The following PAPSS1 variants were observed in gnomAD, a reference collection of about 807,000 sequenced individuals.
PAPSS1 encodes the protein bifunctional 3'-phosphoadenosine 5'-phosphosulfate synthase 1.
Under a neutral mutation model 72.0 loss-of-function variants are expected in PAPSS1, and 50 were observed. The observed-to-expected ratio is 0.69, with a 90% CI of 0.55 to 0.88. The LOEUF (loss-of-function observed/expected upper bound fraction) is 0.88. PAPSS1 is among the 40% of genes least tolerant of loss of function. The probability of loss-of-function intolerance (pLI) is 0.00; values close to 1 mark genes in which losing one functional copy is unlikely to be tolerated. For synonymous variants in PAPSS1, 261 were observed against 263.6 expected (o/e 0.99, Z 0.09); for missense variants, 657 against 782.2 (o/e 0.84, Z 1.91).
At chr4:107,679,964 A>G (rs1279608224) in intron 5 of PAPSS1, among the ~76,000 whole-genome samples, 1 of 152,182 alleles carries the variant, frequency 6.6e-6, no homozygotes, top group Non-Finnish European at 1.5e-5. Context: ...CTATGAGCCT[A>G]TCAATATATT....
At chr4:107,636,969 T>C (rs1183035916) in intron 10 of PAPSS1, among the ~76,000 whole-genome samples, 2 of 152,326 alleles carry the variant, frequency 1.3e-5, no homozygotes, top group Non-Finnish European at 1.5e-5. Context: ...TACTATCTAA[T>C]AGTGAGAATA....
chr4:107,718,605 C>T (rs2125945836), intron 1 of PAPSS1, among the ~76,000 whole-genome samples: 1 of 152,352 alleles, frequency 6.6e-6, no homozygotes, highest in Middle Eastern at 3.4e-3. Context: ...ACAACCCCAA[C>T]ACAAACCATG....
At chr4:107,626,235 G>A (rs1295945095) in intron 11 of PAPSS1, among the ~76,000 whole-genome samples, 1 of 150,826 alleles carries the variant, frequency 6.6e-6, no homozygotes, top group African/African-American at 2.4e-5. Flanking sequence ...ATACTCTACT[G>A]AAAATGTGGA....
intron 5 of PAPSS1, among the ~76,000 whole-genome samples, chr4:107,680,639 C>T (rs1010036566): frequency 2.0e-5 from 3 of 152,126 alleles, no homozygotes; most frequent in Non-Finnish European, 4.4e-5. Flanking sequence ...GCTGATAAAT[C>T]TTTGCATTAC....
chr4:107,649,235 G>A (rs752496817), intron 9 of PAPSS1, among the ~76,000 whole-genome samples: 1 of 152,204 alleles, frequency 6.6e-6, no homozygotes, highest in South Asian at 2.1e-4. Flanking sequence ...ACGGAGAAAA[G>A]TTTTCGGGGA....
intron 11 of PAPSS1, among the ~76,000 whole-genome samples, chr4:107,630,381 A>G (rs1726198580): frequency 2.6e-5 from 4 of 152,190 alleles, no homozygotes; most frequent in Admixed American, 2.6e-4. Flanking sequence ...GAAGGTGATT[A>G]GATCATGGGT....
At chr4:107,679,470 G>C (rs370440661) in intron 5 of PAPSS1, among the ~76,000 whole-genome samples, 8 of 152,120 alleles carry the variant, frequency 5.3e-5, no homozygotes, top group African/African-American at 1.9e-4. Flanking sequence ...ACCTACTACA[G>C]TAACAGTATG....
chr4:107,680,210 T>C (rs1727767167), intron 5 of PAPSS1, among the ~76,000 whole-genome samples: 1 of 151,164 alleles, frequency 6.6e-6, no homozygotes, highest in Non-Finnish European at 1.5e-5. Context: ...CCCAAGCAGG[T>C]TGGGGAATTC....
At chr4:107,689,375 A>G (rs1302198825) in intron 3 of PAPSS1, among the ~76,000 whole-genome samples, 2 of 151,694 alleles carry the variant, frequency 1.3e-5, no homozygotes, top group Admixed American at 1.3e-4. Context: ...GCAACACTCA[A>G]CCCCTCTCTT....
intron 4 of PAPSS1, 61 bp from the exon 5 acceptor site, chr4:107,682,194 T>G: frequency 1.2e-6 from 1 of 837,218 alleles, no homozygotes. Flanking sequence ...GTTTATTTTT[T>G]CAGTGCAGAT....
chr4:107,656,888 T>A lies in PAPSS1; in HGVS notation c.895+8A>T. On this transcript the variant is annotated splice_region_variant and intron_variant, in intron 7 of 11. Transcript: ENST00000265174. The stretch of plus-strand genomic sequence containing the variant: ...ATACAATATAATTTTGAATGTAAAA[T>A]GTCTTACCATCCAGAAGACAATCAA... 1 of 1,529,008 alleles carries A rather than the reference T, an allele frequency of 6.5e-7. No homozygotes were observed. Among genetic ancestry groups the A allele is most frequent in the Non-Finnish European group, 9.1e-7 (1 of 1,102,790 alleles). The allele number at this position is 1,529,008 out of a possible 1,614,324, so 94.7% of individuals were successfully genotyped here. A position where few individuals can be genotyped will look rare whatever the true frequency, so the allele number is the denominator to read the frequency against.
At chr4:107,655,467 G>C (rs1726978507) in intron 7 of PAPSS1, among the ~76,000 whole-genome samples, 1 of 152,096 alleles carries the variant, frequency 6.6e-6, no homozygotes, top group Non-Finnish European at 1.5e-5. Context: ...CACTAACCAA[G>C]AAATAAAGAC....
At chr4:107,676,838 T>C (rs9685400) in intron 5 of PAPSS1, among the ~76,000 whole-genome samples, 5,703 of 152,134 alleles carry the variant, frequency 0.037, 320 homozygotes, top group African/African-American at 0.13. Context: ...AAAACAGAGA[T>C]ATAGACCAAT....
chr4:107,675,646 T>C (rs1727621172), intron 5 of PAPSS1, among the ~76,000 whole-genome samples: 2 of 152,120 alleles, frequency 1.3e-5, no homozygotes, highest in Admixed American at 6.6e-5. Flanking sequence ...ACTGTTCCAA[T>C]CAATAGAAAA....
At chr4:107,685,420 A>C (rs1722757829) in intron 4 of PAPSS1, among the ~76,000 whole-genome samples, 1 of 152,236 alleles carries the variant, frequency 6.6e-6, no homozygotes, top group Non-Finnish European at 1.5e-5. Flanking sequence ...TAAAGTAAGT[A>C]AAAGGTTTAG....
At chr4:107,658,737 A>C (rs879438618) in intron 6 of PAPSS1, among the ~76,000 whole-genome samples, 1 of 152,024 alleles carries the variant, frequency 6.6e-6, no homozygotes, top group African/African-American at 2.4e-5. Flanking sequence ...AAAACCTTTG[A>C]TGGTGGCTAC....
intron 4 of PAPSS1, among the ~76,000 whole-genome samples, 197 bp downstream of exon 4, chr4:107,686,842 A>T (rs1452951186): frequency 6.6e-6 from 1 of 152,168 alleles, no homozygotes; most frequent in Non-Finnish European, 1.5e-5. Context: ...TTCCAAAAGG[A>T]TCAACAAGAC....
Position 107,659,985 on chromosome 4 carries a change from T to C in PAPSS1, c.757A>G (p.Thr253Ala). 6.2e-7 allele frequency: 1 copy of C among 1,602,466 alleles called. No homozygotes were observed. The highest frequency in any genetic ancestry group is 1.3e-5 in the African/African-American group (1 of 74,740). The change falls in exon 6 of 12, where the codon ACA becomes GCA. Residue 253 changes from threonine (T) to alanine (A), a missense_variant. By Grantham distance (58) the Thr-to-Ala change is moderately conservative (BLOSUM62 0). Coordinates refer to ENST00000265174, the MANE Select transcript of PAPSS1 (RefSeq NM_005443.5). ...TTATTAATTTTCAGTGCTGGTAATGTTTCCGCATCTGTTTTTGCCAAATGA... is the reference window on the plus strand; with the variant it reads ...TTATTAATTTTCAGTGCTGGTAATGCTTCCGCATCTGTTTTTGCCAAATGA... ...KLHLAKTDAE[T>A]LPALKINKVD...
At chr4:107,686,860 G>T (rs574072571) in intron 4 of PAPSS1, among the ~76,000 whole-genome samples, 179 bp downstream of exon 4, 40 of 152,150 alleles carry the variant, frequency 2.6e-4, no homozygotes, top group Non-Finnish European at 4.7e-4. Flanking sequence ...GACTCATTTA[G>T]TCCAGCACCA....
Sources: gnomAD v4.1 joint callset for allele counts (sites outside exome capture counted in the v4.1 genomes callset) on GRCh38, gnomAD v4.1.1 for gene constraint, MANE v1.5 for transcripts, NCBI Gene and HGNC (gene_info 2026-07-23, HGNC 2026-07-21) for gene names.